Variants in TMEM145 observed in about 807,000 individuals in gnomAD.
TMEM145 encodes the protein transmembrane protein 145.
A neutral mutation model predicts 68.5 loss-of-function variants in TMEM145; 46 were observed. That is an observed-to-expected ratio of 0.67 (90% CI 0.53 to 0.86). The LOEUF (loss-of-function observed/expected upper bound fraction) is 0.86. Among genes scored for constraint, TMEM145 ranks in the 40% least tolerant of loss-of-function variants. TMEM145 has a pLI of 0.00. For missense variants in TMEM145, 570 were observed against 645.8 expected, an observed-to-expected ratio of 0.88 and a Z score of 1.27; for synonymous variants, 255 against 280.2, an observed-to-expected ratio of 0.91 and a Z score of 0.90.
rs2038840782 is a variant in TMEM145, at chr19:42,314,978, C to T, written c.421-15C>T. 1 of 1,613,984 alleles carries T rather than the reference C, an allele frequency of 6.2e-7. No individual in the cohort carries two copies. Among genetic ancestry groups the T allele is most frequent in the African/African-American group, 1.3e-5 (1 of 74,910 alleles). ...CTTGCCCAGGGCCCCCCTTAGGCCTCCCTACCCCCCACAGGGTGATGGATT... is the reference window on the plus strand; with the variant it reads ...CTTGCCCAGGGCCCCCCTTAGGCCTTCCTACCCCCCACAGGGTGATGGATT... On this transcript the variant is annotated splice_polypyrimidine_tract_variant and intron_variant, in intron 5 of 14. Coordinates refer to ENST00000301204, the MANE Select transcript of TMEM145 (RefSeq NM_173633.3).
intron 12 of TMEM145, 62 bp downstream of exon 12, chr19:42,317,943 G>GC (rs1361656373): frequency 8.8e-6 from 14 of 1,586,818 alleles, no homozygotes; most frequent in South Asian, 2.2e-5. Context: ...AGAAGTGGTT[G>GC]CCCCCCATCT....
intron 14 of TMEM145, chr19:42,324,384 G>A (rs369086905): frequency 4.1e-6 from 4 of 984,842 alleles, no homozygotes; most frequent in East Asian, 2.3e-4. Context: ...CTTCCCGCTC[G>A]GTTCCCCAAG....
chr19:42,324,357 G>A, intron 14 of TMEM145: 1 of 985,050 alleles, frequency 1.0e-6, no homozygotes, highest in Non-Finnish European at 1.2e-6. Context: ...GCCGAGCCGG[G>A]CGCAGCCTCC....
At position 42,316,873 on chromosome 19, in the gene TMEM145, C is replaced by T; in HGVS notation, c.810C>T (p.Gly270=). Residue 270 remains glycine (G), a synonymous_variant, in exon 11 of 15, where the codon GGC becomes GGT. Transcript: ENST00000301204. ...TCCCCTCATGGCCTGCTGCCAGGGGCCGCATCAGCCACGCGGGCTCCGTGA... is the reference window on the plus strand; with the variant it reads ...TCCCCTCATGGCCTGCTGCCAGGGGTCGCATCAGCCACGCGGGCTCCGTGA... The part of the protein sequence containing the change: ...LLGKGFTVTR[G]RISHAGSVKL... The T allele has an allele frequency of 2.5e-6, 4 of 1,613,274 alleles. No individual in the cohort carries two copies. The highest frequency in any genetic ancestry group is 3.4e-6 in the Non-Finnish European group (4 of 1,179,896).
intron 12 of TMEM145, among the ~76,000 whole-genome samples, chr19:42,319,703 C>A (rs1433054121): frequency 1.3e-5 from 2 of 151,854 alleles, no homozygotes. Context: ...CTGCCTTGGC[C>A]TCCCAAAGTA....
intron 13 of TMEM145, chr19:42,321,280 A>G (rs993104292): frequency 1.8e-5 from 7 of 389,182 alleles, no homozygotes; most frequent in Non-Finnish European, 3.1e-5. Flanking sequence ...GCTGGAGTGC[A>G]GTGGCGCGAT....
At position 42,313,565 on chromosome 19, in the gene TMEM145, G is replaced by A; in HGVS notation, c.120+69G>A. The A allele has an allele frequency of 8.4e-7, 1 of 1,184,680 alleles. No homozygotes were observed. Among genetic ancestry groups the A allele is most frequent in the Non-Finnish European group, 1.1e-6 (1 of 935,786 alleles). 73.4% of individuals were successfully genotyped at this position (1,184,680 alleles called of 1,614,324 possible). A position where few individuals can be genotyped will look rare whatever the true frequency, so the allele number is the denominator to read the frequency against. On this transcript the variant is annotated intron_variant, in intron 1 of 14. Transcript: ENST00000301204. The surrounding 1 kb of genome is among the most constrained non-coding windows in gnomAD (Gnocchi z 5.1). ...GGACGCAAGGGAGGCGAGGGGAGCG[G>A]GTACCGCCTCGCCCCCTGCCGCCCC...
At chr19:42,315,111 TG>T (rs775267071) in intron 6 of TMEM145, 34 bp downstream of exon 6, 8 of 1,614,166 alleles carry the variant, frequency 5.0e-6, no homozygotes, top group Non-Finnish European at 3.4e-6. Context: ...CCAGGCTCTC[TG>T]TGGGACACCA....
At position 42,315,048 on chromosome 19, in the gene TMEM145, GGACAC is replaced by G; in HGVS notation, c.482_486del (p.Arg161LeufsTer4). 1.2e-6 allele frequency: 2 copies of G among 1,614,136 alleles called. No homozygotes were observed. The highest frequency in any genetic ancestry group is 1.7e-6 in the Non-Finnish European group (2 of 1,180,024). On this transcript the variant is annotated frameshift_variant, in exon 6 of 15. Coordinates refer to ENST00000301204, the MANE Select transcript of TMEM145 (RefSeq NM_173633.3). LOFTEE classifies it high-confidence loss of function. The stretch of plus-strand genomic sequence containing the variant: ...GTCCTCACCAATGGCAAGTCCTTCT[GGACAC>G]GACACTTCTCCGCTGATGAGTTTGG...
chr19:42,319,440 T>TG (rs1401531265), intron 12 of TMEM145, among the ~76,000 whole-genome samples: 1 of 152,188 alleles, frequency 6.6e-6, no homozygotes, highest in Non-Finnish European at 1.5e-5. Flanking sequence ...ATCTATTTTT[T>TG]TTTGTTTGTT....
At chr19:42,321,965 C>A (rs560592414) in intron 13 of TMEM145, among the ~76,000 whole-genome samples, 1 of 152,196 alleles carries the variant, frequency 6.6e-6, no homozygotes, top group Non-Finnish European at 1.5e-5. Flanking sequence ...GGCTCCGTGG[C>A]CTTTGGCGGC....
chr19:42,322,526 A>G (rs375488749), intron 13 of TMEM145, among the ~76,000 whole-genome samples: 14 of 151,956 alleles, frequency 9.2e-5, no homozygotes, highest in Non-Finnish European at 1.6e-4. Context: ...GGGTATCTCA[A>G]CGCTCATTGC....
At chr19:42,324,602 C>G in intron 14 of TMEM145, 135 bp from the exon 15 acceptor site, 2 of 1,369,366 alleles carry the variant, frequency 1.5e-6, no homozygotes. Context: ...TTATCCCGGC[C>G]CGAGAGCTCG....
chr19:42,324,801 C>G lies in TMEM145; in HGVS notation c.1466C>G (p.Pro489Arg), dbSNP rs1349042890. ...PLFRDLRPPGPLRDL is the reference protein window; with the variant it reads ...PLFRDLRPPGRLRDL Reference sequence around the variant, plus strand: ...TTCCGTGACCTCCGGCCCCCTGGCCCCCTTCGAGACCTCTGACCCCGCTGG... The same window carrying G: ...TTCCGTGACCTCCGGCCCCCTGGCCGCCTTCGAGACCTCTGACCCCGCTGG... Residue 489 changes from proline (P) to arginine (R), a missense_variant, in exon 15 of 15, where the codon CCC (proline) becomes CGC (arginine). By Grantham distance (103) the Pro-to-Arg change is moderately radical. Transcript: ENST00000301204. The G allele has an allele frequency of 2.6e-6, 4 of 1,568,622 alleles. No homozygotes were observed.
At chr19:42,318,133 C>T (rs892572096) in intron 12 of TMEM145, among the ~76,000 whole-genome samples, 7 of 151,908 alleles carry the variant, frequency 4.6e-5, no homozygotes, top group Non-Finnish European at 8.8e-5. Flanking sequence ...TTTGGGAGGC[C>T]GAGGTGGGCG....
In TMEM145 at chr19:42,315,058, C is replaced by A. The variant is rs2038842052; in HGVS notation, c.486C>A (p.His162Gln). 6.2e-7 allele frequency: 1 copy of A among 1,614,176 alleles called. No homozygotes were observed. The highest frequency in any genetic ancestry group is 8.5e-7 in the Non-Finnish European group (1 of 1,180,030). Residue 162 changes from histidine to glutamine, a missense_variant, in exon 6 of 15, where the codon CAC becomes CAA. Transcript: ENST00000301204. ...LTNGKSFWTR[H>Q]FSADEFGILE... is the part of the protein sequence containing the mutation. ...ATGGCAAGTCCTTCTGGACACGACA[C>A]TTCTCCGCTGATGAGTTTGGTGAGC...
Position 42,314,714 on chromosome 19 carries a change from T to C in TMEM145, c.360+15T>C, listed in dbSNP as rs751010405. 1.2e-6 allele frequency: 2 copies of C among 1,614,162 alleles called. No individual in the cohort carries two copies. The highest frequency in any genetic ancestry group is 8.5e-7 in the Non-Finnish European group (1 of 1,180,010). ...CCGGCTGTCAGGTGCAGGCTCAGCC[T>C]GGGGGAGTGGGCAGGTGCTGAAGGA... On this transcript the variant is annotated intron_variant, in intron 4 of 14. Transcript: ENST00000301204.
chr19:42,323,834 C>T (rs1334639682), intron 14 of TMEM145, 45 bp downstream of exon 14: 6 of 1,561,694 alleles, frequency 3.8e-6, no homozygotes, highest in Non-Finnish European at 5.3e-6. Context: ...TGGCGCCGCC[C>T]CTGGAGTACC....
In TMEM145 at chr19:42,313,594, T is replaced by C. The variant is rs1460146769; in HGVS notation, c.120+98T>C. 3.1e-6 allele frequency: 3 copies of C among 979,546 alleles called. No individual in the cohort carries two copies. Among genetic ancestry groups the C allele is most frequent in the East Asian group, 3.4e-5 (1 of 29,432 alleles). The allele number at this position is 979,546 out of a possible 1,614,324, so 60.7% of individuals were successfully genotyped here. A position where few individuals can be genotyped will look rare whatever the true frequency, so the allele number is the denominator to read the frequency against. ...CCGCCTCGCCCCCTGCCGCCCCTCC[T>C]GGCGGACTCCGGGAGCCTCGGGGGA... On this transcript the variant is annotated intron_variant, in intron 1 of 14. Transcript: ENST00000301204. This position sits in a 1 kb window ranked among gnomAD's most constrained non-coding sequence, Gnocchi z 5.1.
Sources: gnomAD v4.1 joint callset for allele counts (sites outside exome capture counted in the v4.1 genomes callset) on GRCh38, gnomAD v4.1.1 for gene constraint, Gnocchi (gnomAD v3.1) non-coding constraint, MANE v1.5 for transcripts, NCBI Gene and HGNC (gene_info 2026-07-23, HGNC 2026-07-21) for gene names.